Variants in SCARB2 observed in about 807,000 individuals in gnomAD.
SCARB2 encodes the protein lysosome membrane protein 2.
Under a neutral mutation model 58.6 loss-of-function variants are expected in SCARB2, and 29 were observed. The observed-to-expected ratio is 0.49, with a 90% CI of 0.37 to 0.67. SCARB2 has a LOEUF of 0.67. Ranked by LOEUF, SCARB2 falls within the 30% of genes least tolerant of loss-of-function variation. The pLI is 0.00. For missense variants in SCARB2, 488 were observed against 578.5 expected, an observed-to-expected ratio of 0.84 and a Z score of 1.60; for synonymous variants, 195 against 210.1, an observed-to-expected ratio of 0.93 and a Z score of 0.62.
At chr4:76,176,162 C>CT (rs2109944009) in intron 5 of SCARB2, 1 of 605,482 alleles carries the variant, frequency 1.7e-6, no homozygotes. Context: ...GCTGTAGCTA[C>CT]TACACATCAC....
chr4:76,223,984 G>C (rs1432066963), intron 1 of SCARB2, among the ~76,000 whole-genome samples: 1 of 152,096 alleles, frequency 6.6e-6, no homozygotes. Flanking sequence ...GATGTTGGGG[G>C]AATGTAATTA....
intron 1 of SCARB2, among the ~76,000 whole-genome samples, chr4:76,202,285 G>C (rs1732842809): frequency 6.6e-6 from 1 of 151,946 alleles, no homozygotes; most frequent in Non-Finnish European, 1.5e-5. Flanking sequence ...TTTTTTGAGA[G>C]GGAGTCTCAT....
intron 1 of SCARB2, among the ~76,000 whole-genome samples, chr4:76,233,288 C>A (rs1733524253): frequency 6.6e-6 from 1 of 152,176 alleles, no homozygotes; most frequent in South Asian, 2.1e-4. Context: ...CCAGGCCTTA[C>A]CAGCTGTGAA....
chr4:76,176,434 T>C lies in SCARB2; in HGVS notation c.704+3A>G. On this transcript the variant is annotated splice_donor_region_variant and intron_variant, in intron 5 of 11. Coordinates refer to ENST00000264896, the MANE Select transcript of SCARB2 (RefSeq NM_005506.4). ...AATTCCACTGATAAATCATTTGACT[T>C]ACGTTTTCCCATTCCATTCCACAAT... 6.3e-7 allele frequency: 1 copy of C among 1,595,736 alleles called. No homozygotes were observed.
chr4:76,195,512 T>C (rs1732693395), intron 2 of SCARB2, 195 bp downstream of exon 2: 1 of 595,140 alleles, frequency 1.7e-6, no homozygotes, highest in South Asian at 2.0e-5. Context: ...CGCTGAGACT[T>C]GGCCCAGTCT....
At chr4:76,213,301 C>T in intron 1 of SCARB2, 126 bp downstream of exon 1, 1 of 737,778 alleles carries the variant, frequency 1.4e-6, no homozygotes, top group Non-Finnish European at 2.5e-6. Flanking sequence ...AAGACAGGGA[C>T]GCAAGAAGAG....
rs1374237956 is a variant in SCARB2 at position 76,158,927 on chromosome 4, T to G, written c.*2786A>C. 3 of 152,222 alleles carry G rather than the reference T, an allele frequency of 2.0e-5. No homozygotes were observed. Among genetic ancestry groups the G allele is most frequent in the Non-Finnish European group, 4.4e-5 (3 of 68,046 alleles). The allele number at this position is 152,222 out of a possible 1,614,324, so 9.4% of individuals were successfully genotyped here. ...AGGGCCAAGGATGCGGACCACCTTT[T>G]GCAGAACTCATATCTCGAGCAGTTT... On this transcript the variant is annotated 3_prime_UTR_variant, in exon 12 of 12. Transcript: ENST00000264896.
intron 1 of SCARB2, among the ~76,000 whole-genome samples, chr4:76,198,733 C>G (rs1438995426): frequency 6.6e-6 from 1 of 152,144 alleles, no homozygotes; most frequent in Non-Finnish European, 1.5e-5. Flanking sequence ...AGAGTGGTGG[C>G]TTTTCCTGCT....
At chr4:76,227,228 T>C (rs529561423) in intron 1 of SCARB2, among the ~76,000 whole-genome samples, 11 of 152,214 alleles carry the variant, frequency 7.2e-5, no homozygotes, top group South Asian at 2.1e-4. Context: ...GTTGTGTCAC[T>C]ATTATCGTTC....
At chr4:76,196,334 C>T (rs905044857) in intron 1 of SCARB2, among the ~76,000 whole-genome samples, 3 of 152,138 alleles carry the variant, frequency 2.0e-5, no homozygotes, top group African/African-American at 7.2e-5. Flanking sequence ...GCCTGGGTTA[C>T]AGAGCAAGAC....
rs1305715544 is a variant in SCARB2 at position 76,160,867 on chromosome 4, T to C, written c.*846A>G. Reference sequence around the variant, plus strand: ...CTCAGGAAGAAAAATCAGTTACTCATTACATTCTCTCAGAAGCATCTTTTC... The same window carrying C: ...CTCAGGAAGAAAAATCAGTTACTCACTACATTCTCTCAGAAGCATCTTTTC... On this transcript the variant is annotated 3_prime_UTR_variant, in exon 12 of 12. Coordinates refer to ENST00000264896, the MANE Select transcript of SCARB2 (RefSeq NM_005506.4). The C allele has an allele frequency of 6.6e-6, 1 of 152,148 alleles. No homozygotes were observed. The highest frequency in any genetic ancestry group is 1.5e-5 in the Non-Finnish European group (1 of 68,016). The allele number at this position is 152,148 out of a possible 1,614,324, so 9.4% of individuals were successfully genotyped here.
At chr4:76,195,373 AT>A in intron 2 of SCARB2, 2 of 206,366 alleles carry the variant, frequency 9.7e-6, no homozygotes, top group Admixed American at 5.4e-5. Context: ...TCTTAAAAAA[AT>A]AAAATAAAAT....
rs1731877004 is a variant in SCARB2, at chr4:76,160,664, C to T, written c.*1049G>A. 1 of 152,184 alleles carries T rather than the reference C, an allele frequency of 6.6e-6. No homozygotes were observed. The allele number at this position is 152,184 out of a possible 1,614,324, so 9.4% of individuals were successfully genotyped here. ...CTGAGGAAGGAACTTGTAAAAAGAA[C>T]TTCAAAATTACCAAGAAGGCGGCTG... On this transcript the variant is annotated 3_prime_UTR_variant, in exon 12 of 12. Transcript: ENST00000264896.
At chr4:76,176,651 T>A in intron 4 of SCARB2, 123 bp from the exon 5 acceptor site, 1 of 683,788 alleles carries the variant, frequency 1.5e-6, no homozygotes, top group Non-Finnish European at 2.6e-6. Flanking sequence ...AGGTATTTTG[T>A]AGGTGTGATT....
chr4:76,197,229 G>A (rs780276088), intron 1 of SCARB2, among the ~76,000 whole-genome samples: 6 of 152,194 alleles, frequency 3.9e-5, no homozygotes, highest in Non-Finnish European at 8.8e-5. Context: ...ACTCCCCTAA[G>A]GGTGAAGTAT....
rs143368374 is a variant in SCARB2 at position 76,221,610 on chromosome 4, G to A, written c.-358+12693C>T. On this transcript the variant is annotated intron_variant, in intron 1 of 11. Transcript: ENST00000638295. ...GCTGGGATTACAGGCATGAGCCACC[G>A]CACCCGGCCTATTCCCCATTATTTC... Among the ~76,000 whole-genome samples, 541 of 152,144 alleles carry A rather than the reference G, an allele frequency of 3.6e-3. 6 individuals carry two copies. Among genetic ancestry groups the A allele is most frequent in the African/African-American group, 0.013 (519 of 41,486 alleles).
In SCARB2 at chr4:76,208,909, T is replaced by G. The variant is rs966951384; in HGVS notation, c.117+4518A>C. Among the ~76,000 whole-genome samples the G allele has an allele frequency of 3.3e-5, 5 of 152,128 alleles. No homozygotes were observed. In the East Asian group the frequency reaches 9.6e-4, roughly 29 times the overall value. ...GAAATCTTTTGGAGGAAAGGGGGTG[T>G]TAGTGATTACACCAGCACAACAGGT... On this transcript the variant is annotated intron_variant, in intron 1 of 11. Transcript: ENST00000264896.
At chr4:76,165,761 G>C (rs958722530) in intron 10 of SCARB2, 1 of 148,396 alleles carries the variant, frequency 6.7e-6, no homozygotes, top group Non-Finnish European at 1.5e-5. Context: ...AAAAAAACCT[G>C]CGTTTTTTTT....
At chr4:76,162,003 A>C (rs1375423503) in intron 11 of SCARB2, 1 of 561,218 alleles carries the variant, frequency 1.8e-6, no homozygotes, top group Non-Finnish European at 3.2e-6. Context: ...GTTGATCTGG[A>C]TTATAAAACT....
Sources: allele counts gnomAD v4.1 joint callset (sites outside exome capture counted in the v4.1 genomes callset), GRCh38; gene constraint gnomAD v4.1.1; transcripts MANE v1.5; gene names NCBI Gene and HGNC (gene_info 2026-07-23, HGNC 2026-07-21).